The following TDP1 variants were observed in gnomAD, a reference collection of about 807,000 sequenced individuals.
TDP1 encodes the protein tyr-DNA phosphodiesterase 1.
In TDP1, 64 loss-of-function variants were observed where a neutral mutation model predicts 81.5. That is an observed-to-expected ratio of 0.79 (90% CI 0.64 to 0.97). The LOEUF is 0.97. Among genes scored for constraint, TDP1 ranks in the 50% least tolerant of loss-of-function variants. TDP1 has a pLI of 0.00. For synonymous variants in TDP1, 256 were observed against 264.3 expected, an observed-to-expected ratio of 0.97 and a Z score of 0.30; for missense variants, 723 against 743.8, an observed-to-expected ratio of 0.97 and a Z score of 0.33.
chr14:89,997,386 T>G (rs937712498), intron 14 of TDP1, among the ~76,000 whole-genome samples: 3 of 151,962 alleles, frequency 2.0e-5, no homozygotes, highest in African/African-American at 7.3e-5. Flanking sequence ...GATTCCTGAG[T>G]TTGGGGTATG....
Position 89,975,776 on chromosome 14 carries a change from C to A in TDP1, c.757-5C>A. On this transcript the variant is annotated splice_region_variant and splice_polypyrimidine_tract_variant and intron_variant, in intron 6 of 16. Transcript: ENST00000335725. ...TTTAAATAAATGACTTCTTTTTCAT[C>A]CTAGGCAAAGTTGGATATTGCGTTT... is the stretch of plus-strand genomic sequence containing the variant. 5.0e-6 allele frequency: 8 copies of A among 1,610,954 alleles called. No individual in the cohort carries two copies. The highest frequency in any genetic ancestry group is 6.8e-6 in the Non-Finnish European group (8 of 1,177,386).
At chr14:90,005,952 G>T (rs1350360782) in intron 14 of TDP1, among the ~76,000 whole-genome samples, 1 of 152,162 alleles carries the variant, frequency 6.6e-6, no homozygotes, top group Non-Finnish European at 1.5e-5. Flanking sequence ...TAAAGTCCTT[G>T]TAATTCCATC....
At chr14:89,967,108 G>A in intron 4 of TDP1, 5 of 985,354 alleles carry the variant, frequency 5.1e-6, no homozygotes, top group Non-Finnish European at 6.0e-6. Flanking sequence ...AAGTACAGAT[G>A]CTGCCAAAAC....
intron 15 of TDP1, among the ~76,000 whole-genome samples, chr14:90,030,783 TG>T (rs1887188443): frequency 6.6e-6 from 1 of 151,952 alleles, no homozygotes; most frequent in Non-Finnish European, 1.5e-5. Flanking sequence ...TTTTTTTTTT[TG>T]AGATGGAGTT....
At chr14:90,022,154 A>G (rs185818284) in intron 15 of TDP1, among the ~76,000 whole-genome samples, 42 of 152,330 alleles carry the variant, frequency 2.8e-4, no homozygotes, top group East Asian at 1.4e-3. Flanking sequence ...CACCTAAGCA[A>G]TGAGACAGAG....
intron 7 of TDP1, among the ~76,000 whole-genome samples, chr14:89,977,371 C>T (rs974092711): frequency 1.3e-5 from 2 of 152,110 alleles, no homozygotes; most frequent in Non-Finnish European, 2.9e-5. Flanking sequence ...AATCTCAGCT[C>T]GTTACAACCT....
chr14:90,029,194 A>ATTTT (rs539198642), intron 15 of TDP1, among the ~76,000 whole-genome samples: 52 of 116,182 alleles, frequency 4.5e-4, no homozygotes, highest in African/African-American at 1.4e-3. Flanking sequence ...CCCTGCCATT[A>ATTTT]TTTTTTTTTT....
intron 8 of TDP1, 191 bp from the exon 9 acceptor site, chr14:89,984,325 G>A (rs1895322906): frequency 7.1e-6 from 7 of 984,952 alleles, no homozygotes; most frequent in Non-Finnish European, 8.4e-6. Flanking sequence ...AGACATTCAG[G>A]AATAATTCTG....
intron 14 of TDP1, among the ~76,000 whole-genome samples, chr14:90,000,780 T>C (rs2401866): frequency 0.2 from 29,773 of 152,134 alleles, 6,947 homozygotes; most frequent in African/African-American, 0.56. Flanking sequence ...GGTTTGTTTT[T>C]TGTAGTTAAG....
Position 90,022,116 on chromosome 14 carries a change from G to A in TDP1, c.1644+2698G>A, listed in dbSNP as rs35313473. On this transcript the variant is annotated intron_variant, in intron 15 of 16. Coordinates refer to ENST00000335725, the MANE Select transcript of TDP1 (RefSeq NM_018319.4). ...AGCTCATAGGCTAGTTGGGCAGGGT[G>A]GTCATAGAGTCAGATGGCCACCTGA... is the stretch of plus-strand genomic sequence containing the variant. 1.1e-3 allele frequency among the ~76,000 whole-genome samples: 163 copies of A among 152,312 alleles called. 1 individual carries two copies. Among genetic ancestry groups the A allele is most frequent in the African/African-American group, 3.8e-3 (157 of 41,560 alleles).
intron 14 of TDP1, among the ~76,000 whole-genome samples, chr14:90,004,424 T>A (rs1210499235): frequency 6.6e-6 from 1 of 152,218 alleles, no homozygotes; most frequent in African/African-American, 2.4e-5. Flanking sequence ...TACTATATGC[T>A]GGCCAAGCGC....
At chr14:90,018,826 A>G (rs1885623374) in intron 14 of TDP1, 1 of 204,202 alleles carries the variant, frequency 4.9e-6, no homozygotes, top group Non-Finnish European at 8.6e-6. Flanking sequence ...AGATACAAAT[A>G]ACAGTCTTTG....
At chr14:89,987,116 C>CT (rs1895657219) in intron 10 of TDP1, 2 of 152,230 alleles carry the variant, frequency 1.3e-5, no homozygotes, top group Non-Finnish European at 1.5e-5. Context: ...TAAACTATGA[C>CT]TGTTAAGCCT....
intron 16 of TDP1, among the ~76,000 whole-genome samples, chr14:90,037,740 C>T (rs1335442892): frequency 3.3e-5 from 5 of 152,276 alleles, no homozygotes; most frequent in South Asian, 4.1e-4. Context: ...CATTCTCTTA[C>T]GTAACTACAG....
At chr14:89,973,570 G>A (rs925190347) in intron 6 of TDP1, among the ~76,000 whole-genome samples, 6 of 152,142 alleles carry the variant, frequency 3.9e-5, no homozygotes, top group Admixed American at 3.9e-4. Context: ...TTCTAGCAAC[G>A]TGAGTCATTG....
intron 16 of TDP1, among the ~76,000 whole-genome samples, chr14:90,038,710 T>C (rs926897595): frequency 3.3e-5 from 5 of 152,114 alleles, no homozygotes; most frequent in African/African-American, 1.2e-4. Context: ...TGGTGGCACA[T>C]GCCTGTAATC....
chr14:89,994,233 G>A (rs1596582412), intron 14 of TDP1, among the ~76,000 whole-genome samples: 1 of 152,196 alleles, frequency 6.6e-6, no homozygotes, highest in Non-Finnish European at 1.5e-5. Flanking sequence ...CAGCACTCAT[G>A]AACAAACTTT....
chr14:89,988,214 G>A (rs1459626285), intron 10 of TDP1, among the ~76,000 whole-genome samples: 1 of 152,198 alleles, frequency 6.6e-6, no homozygotes, highest in Non-Finnish European at 1.5e-5. Flanking sequence ...TTCAGCTGTC[G>A]GAAAGCTCCC....
intron 2 of TDP1, among the ~76,000 whole-genome samples, chr14:89,959,504 C>T (rs147007862): frequency 2.1e-3 from 325 of 152,302 alleles, no homozygotes; most frequent in Middle Eastern, 6.8e-3. Flanking sequence ...CATTTAACAA[C>T]AAGACACAAT....
Sources: gnomAD v4.1 joint callset for allele counts (sites outside exome capture counted in the v4.1 genomes callset) on GRCh38, gnomAD v4.1.1 for gene constraint, MANE v1.5 for transcripts, NCBI Gene and HGNC (gene_info 2026-07-23, HGNC 2026-07-21) for gene names.